KLHL38: variants seen among roughly 807,000 people sequenced by gnomAD.
KLHL38 encodes the protein kelch-like protein 38.
In KLHL38, 38 loss-of-function variants were observed where a neutral mutation model predicts 39.6. The ratio of observed to expected loss-of-function variants is 0.96; its 90% CI spans 0.74 to 1.26. The LOEUF is 1.26. Among genes scored for constraint, KLHL38 ranks in the 50% most tolerant of loss-of-function variants. The probability of loss-of-function intolerance (pLI) is 0.00; values close to 1 mark genes in which losing one functional copy is unlikely to be tolerated. For missense variants in KLHL38, 803 were observed against 748.1 expected (o/e 1.07, Z -0.86); for synonymous variants, 322 against 302.2 (o/e 1.07, Z -0.68).
intron 2 of KLHL38, among the ~76,000 whole-genome samples, chr8:123,650,843 A>C (rs1812629160): frequency 6.6e-6 from 1 of 152,184 alleles, no homozygotes; most frequent in Non-Finnish European, 1.5e-5. Flanking sequence ...CAGTGATGTG[A>C]GGTCAGGTTC....
At position 123,645,617 on chromosome 8, in the gene KLHL38, C is replaced by T. The variant is rs557353880; in HGVS notation, c.*122G>A. 1 of 1,081,766 alleles carries T rather than the reference C, an allele frequency of 9.2e-7. No homozygotes were observed. The highest frequency in any genetic ancestry group is 2.3e-5 in the Admixed American group (1 of 44,362). The allele number at this position is 1,081,766 out of a possible 1,614,324, so 67.0% of individuals were successfully genotyped here. A position where few individuals can be genotyped will look rare whatever the true frequency, so the allele number is the denominator to read the frequency against. ...CAATGCCTAGTTCCAGGCCTCCCGA[C>T]TCTGGTACCTCAGTCTTGTGAGCTC... On this transcript the variant is annotated 3_prime_UTR_variant, in exon 4 of 4. Coordinates refer to ENST00000684634, the MANE Select transcript of KLHL38 (RefSeq NM_001081675.3).
rs1305410911 is a variant in KLHL38, at chr8:123,651,880, G to T, written c.1047C>A (p.Val349=). The T allele has an allele frequency of 1.9e-6, 3 of 1,614,150 alleles. No individual in the cohort carries two copies. In the South Asian group the frequency reaches 3.3e-5, roughly 18 times the overall value. ...GMAVSSGRSL[V]SHNVYIFSLK... ...GGGAGAAGATGTAGACATTGTGACT[G>T]ACCAGACTCCTCCCTGAGCTGACAG... Residue 349 remains valine, a synonymous_variant, in exon 2 of 4, where the codon GTC becomes GTA. Coordinates refer to ENST00000684634, the MANE Select transcript of KLHL38 (RefSeq NM_001081675.3).
chr8:123,645,052 G>C lies in KLHL38; in HGVS notation c.*687C>G, dbSNP rs1818633575. Among the ~76,000 whole-genome samples the C allele has an allele frequency of 2.0e-5, 3 of 151,222 alleles. No homozygotes were observed. The stretch of plus-strand genomic sequence containing the variant: ...GGGGAGACTGAGAGAGAGAGAGAGA[G>C]AGAGGGGCAGAGAGAGGCAGAGAGA... On this transcript the variant is annotated 3_prime_UTR_variant, in exon 4 of 4. Transcript: ENST00000684634.
rs769736881 is a variant in KLHL38, at chr8:123,652,290, G to A, written c.637C>T (p.Arg213Ter). 34 of 1,613,860 alleles carry A rather than the reference G, an allele frequency of 2.1e-5. No homozygotes were observed. The highest frequency in any genetic ancestry group is 3.3e-4 in the Middle Eastern group (2 of 6,084). Residue 213 changes from arginine (R) to a stop codon, truncating the protein, a stop_gained, in exon 2 of 4, where the codon CGA becomes TGA. Coordinates refer to ENST00000684634, the MANE Select transcript of KLHL38 (RefSeq NM_001081675.3). LOFTEE classifies it high-confidence loss of function. The part of the protein sequence containing the change: ...WIKHDLQARK[R>*]YMQELFKQVR... ...TGCTTGAACAGTTCCTGCATGTATC[G>A]CTTCCGGGCCTGGAGGTCATGCTTG...
In KLHL38 at chr8:123,645,680, G is replaced by T; in HGVS notation, c.*59C>A. The T allele has an allele frequency of 6.3e-7, 1 of 1,578,648 alleles. No individual in the cohort carries two copies. The highest frequency in any genetic ancestry group is 8.7e-7 in the Non-Finnish European group (1 of 1,156,050). On this transcript the variant is annotated 3_prime_UTR_variant, in exon 4 of 4. Transcript: ENST00000684634. ...TTAAGGGTTAAGCCCTTTGGAGCTG[G>T]GTTTGTGTCCCTGGCGACAGAAGGC...
In KLHL38 at chr8:123,651,949, A is replaced by G. The variant is rs762469267; in HGVS notation, c.978T>C (p.Ser326=). ...AGATGCTGCGGTGCAAGGTGATGGC[A>G]GAGGCCTTGTACAGCCGTGTCGGGA... The part of the protein sequence containing the change: ...AKLPTRLYKA[S]AITLHRSIYV... The change falls in exon 2 of 4, where the codon TCT becomes TCC. Residue 326 remains serine (S), a synonymous_variant. Coordinates refer to ENST00000684634, the MANE Select transcript of KLHL38 (RefSeq NM_001081675.3). 6.2e-7 allele frequency: 1 copy of G among 1,614,262 alleles called. No individual in the cohort carries two copies. Among genetic ancestry groups the G allele is most frequent in the Non-Finnish European group, 8.5e-7 (1 of 1,180,044 alleles).
Position 123,651,683 on chromosome 8 carries a change from GC to G in KLHL38, c.1243del (p.Ala415ProfsTer14). On this transcript the variant is annotated frameshift_variant, in exon 2 of 4. Transcript: ENST00000684634. LOFTEE classifies it high-confidence loss of function. ...DSICNVWESMASMPVGVLHPA... is the reference protein window; with the variant it reads ...DSICNVWESMXSMPVGVLHPA... ...GTGGAGCACCCCCACGGGCATGCTG[GC>G]CATACTCTCCCAGACATTGCAGATG... The G allele has an allele frequency of 1.2e-6, 2 of 1,614,100 alleles. No individual in the cohort carries two copies. Among genetic ancestry groups the G allele is most frequent in the Non-Finnish European group, 1.7e-6 (2 of 1,180,010 alleles).
rs888217723 is a variant in KLHL38, at chr8:123,651,962, A to C, written c.965T>G (p.Leu322Arg). Residue 322 changes from leucine to arginine, a missense_variant, in exon 2 of 4, where the codon CTG (leucine) becomes CGG (arginine). Leu to Arg is a moderately radical substitution (Grantham distance 102, BLOSUM62 -2). Transcript: ENST00000684634. ...WQSLAKLPTR[L>R]YKASAITLHR... ...CAAGGTGATGGCAGAGGCCTTGTAC[A>C]GCCGTGTCGGGAGTTTGGCAAGGCT... 2 of 1,614,132 alleles carry C rather than the reference A, an allele frequency of 1.2e-6. No homozygotes were observed. The highest frequency in any genetic ancestry group is 2.7e-5 in the African/African-American group (2 of 74,954).
At chr8:123,651,477 G>T in intron 2 of KLHL38, 100 bp downstream of exon 2, 2 of 1,258,752 alleles carry the variant, frequency 1.6e-6, no homozygotes, top group East Asian at 2.4e-5. Flanking sequence ...TGTGTTTTTT[G>T]GTGTGTATGT....
chr8:123,649,950 G>T (rs1036611398), intron 2 of KLHL38, among the ~76,000 whole-genome samples: 4 of 152,106 alleles, frequency 2.6e-5, no homozygotes, highest in Non-Finnish European at 5.9e-5. Context: ...CCTTACCCAG[G>T]ACCACTCCCC....
rs2129757337 is a variant in KLHL38, at chr8:123,652,870, G to A, written c.57C>T (p.Asp19=). ...LLFKDHDFSS[D]LLRQLNSLRQ... ...TTAAGCTGTTGAGCTGCCTCAACAA[G>A]TCAGAAGAGAAGTCGTGGTCTTTGA... is the stretch of plus-strand genomic sequence containing the variant. The change falls in exon 2 of 4, where the codon GAC becomes GAT. Residue 19 remains aspartate (D), a synonymous_variant. Transcript: ENST00000684634. The A allele has an allele frequency of 1.2e-6, 2 of 1,605,826 alleles. No individual in the cohort carries two copies. The highest frequency in any genetic ancestry group is 1.7e-6 in the Non-Finnish European group (2 of 1,179,946).
intron 1 of KLHL38, among the ~76,000 whole-genome samples, chr8:123,653,292 C>G (rs1186239739): frequency 6.6e-6 from 1 of 152,192 alleles, no homozygotes; most frequent in Non-Finnish European, 1.5e-5. Flanking sequence ...AGCAGAAGTT[C>G]ATGAGCCTTT....
Position 123,645,447 on chromosome 8 carries a change from AAAAGAG to A in KLHL38, c.*286_*291del, listed in dbSNP as rs1363116934. 106 of 325,884 alleles carry A rather than the reference AAAAGAG, an allele frequency of 3.3e-4. No individual in the cohort carries two copies. The African/African-American group carries it at 3.3e-3, about 10-fold the overall frequency. 20.2% of individuals were successfully genotyped at this position (325,884 alleles called of 1,614,324 possible). On this transcript the variant is annotated 3_prime_UTR_variant, in exon 4 of 4. Coordinates refer to ENST00000684634, the MANE Select transcript of KLHL38 (RefSeq NM_001081675.3). Reference sequence around the variant, plus strand: ...GTGAAACTCCATCTCAAAAAAAAGAAAAAGAGAGAGAGAGAGAGAGAGAGAGAGAGA... The same window carrying A: ...GTGAAACTCCATCTCAAAAAAAAGAAAGAGAGAGAGAGAGAGAGAGAGAGA...
In KLHL38 at chr8:123,651,955, C is replaced by T. The variant is rs1812655435; in HGVS notation, c.972G>A (p.Lys324=). 1.2e-6 allele frequency: 2 copies of T among 1,614,138 alleles called. No homozygotes were observed. Among genetic ancestry groups the T allele is most frequent in the Middle Eastern group, 1.6e-4 (1 of 6,084 alleles). The change falls in exon 2 of 4, where the codon AAG becomes AAA. Residue 324 remains lysine (K), a synonymous_variant. Coordinates refer to ENST00000684634, the MANE Select transcript of KLHL38 (RefSeq NM_001081675.3). The part of the protein sequence containing the change: ...SLAKLPTRLY[K]ASAITLHRSI... ...TGCGGTGCAAGGTGATGGCAGAGGC[C>T]TTGTACAGCCGTGTCGGGAGTTTGG...
rs1356684262 is a variant in KLHL38 at position 123,645,803 on chromosome 8, T to C, written c.1682A>G (p.His561Arg). Residue 561 changes from histidine (H) to arginine (R), a missense_variant, in exon 4 of 4, where the codon CAC (histidine) becomes CGC (arginine). His to Arg is a conservative substitution (Grantham distance 29, BLOSUM62 0). Coordinates refer to ENST00000684634, the MANE Select transcript of KLHL38 (RefSeq NM_001081675.3). The part of the protein sequence containing the change: ...DTWTSQGQLP[H>R]KLFDHACLTL... Reference sequence around the variant, plus strand: ...GAGGCAGGCATGGTCAAAGAGCTTGTGCGGCAGCTGTCCCTGGGATGTCCA... The same window carrying C: ...GAGGCAGGCATGGTCAAAGAGCTTGCGCGGCAGCTGTCCCTGGGATGTCCA... 6.2e-7 allele frequency: 1 copy of C among 1,612,960 alleles called. No homozygotes were observed. The highest frequency in any genetic ancestry group is 8.5e-7 in the Non-Finnish European group (1 of 1,179,794).
chr8:123,646,636 G>A (rs927869992), intron 3 of KLHL38, among the ~76,000 whole-genome samples: 16 of 152,138 alleles, frequency 1.1e-4, no homozygotes. Context: ...CCGTGTATCT[G>A]GGATAGTGCT....
intron 2 of KLHL38, among the ~76,000 whole-genome samples, chr8:123,649,871 C>G (rs1812603522): frequency 6.6e-6 from 1 of 152,170 alleles, no homozygotes; most frequent in Admixed American, 6.5e-5. Context: ...ACTCCATTGT[C>G]CTGCTTTCCG....
chr8:123,648,108 G>A (rs992386488), intron 2 of KLHL38, among the ~76,000 whole-genome samples: 15 of 152,106 alleles, frequency 9.9e-5, no homozygotes, highest in African/African-American at 3.4e-4. Flanking sequence ...AAGATTACCA[G>A]CACTATTAAA....
Position 123,645,602 on chromosome 8 carries a change from T to G in KLHL38, c.*137A>C. 1 of 862,158 alleles carries G rather than the reference T, an allele frequency of 1.2e-6. No homozygotes were observed. 53.4% of individuals were successfully genotyped at this position (862,158 alleles called of 1,614,324 possible). A position where few individuals can be genotyped will look rare whatever the true frequency, so the allele number is the denominator to read the frequency against. ...AGAGTTCTGGCAATGCAATGCCTAG[T>G]TCCAGGCCTCCCGACTCTGGTACCT... is the stretch of plus-strand genomic sequence containing the variant. On this transcript the variant is annotated 3_prime_UTR_variant, in exon 4 of 4. Coordinates refer to ENST00000684634, the MANE Select transcript of KLHL38 (RefSeq NM_001081675.3).
Sources: gnomAD v4.1 joint callset for allele counts (sites outside exome capture counted in the v4.1 genomes callset) on GRCh38, gnomAD v4.1.1 for gene constraint, MANE v1.5 for transcripts, NCBI Gene and HGNC (gene_info 2026-07-23, HGNC 2026-07-21) for gene names.